The following SIPA1L1 variants were observed in gnomAD, a reference collection of about 807,000 sequenced individuals.
The protein encoded by SIPA1L1 is signal induced proliferation associated 1 like 1, also known as signal-induced proliferation-associated 1-like protein 1.
Under a neutral mutation model 162.7 loss-of-function variants are expected in SIPA1L1, and 26 were observed. The observed-to-expected ratio is 0.16, with a 90% confidence interval of 0.12 to 0.22. SIPA1L1 has a LOEUF of 0.22. Ranked by LOEUF, SIPA1L1 falls within the 10% of genes least tolerant of loss-of-function variation. The pLI, the probability that SIPA1L1 is intolerant of heterozygous loss-of-function variation, is 1.00. For missense variants in SIPA1L1, 1,874 were observed against 2,241.0 expected (o/e 0.84, Z 3.31); for synonymous variants, 829 against 837.4 (o/e 0.99, Z 0.17).
intron 2 of SIPA1L1, among the ~76,000 whole-genome samples, chr14:71,399,111 C>A (rs1033693601): frequency 6.6e-6 from 1 of 152,152 alleles, no homozygotes; most frequent in African/African-American, 2.4e-5. Context: ...GAAATGATGT[C>A]ATTTAGGACT....
At chr14:71,427,457 G>T (rs2043653821) in intron 2 of SIPA1L1, among the ~76,000 whole-genome samples, 1 of 152,162 alleles carries the variant, frequency 6.6e-6, no homozygotes, top group African/African-American at 2.4e-5. Context: ...CTGCTTTCAA[G>T]ATTCTATCTT....
intron 2 of SIPA1L1, among the ~76,000 whole-genome samples, chr14:71,466,992 A>T (rs922357676): frequency 3.3e-5 from 5 of 152,208 alleles, no homozygotes; most frequent in Admixed American, 3.3e-4. Context: ...GATTTTAGGG[A>T]TATAACGCAA....
chr14:71,551,901 AC>A (rs2055873648), intron 4 of SIPA1L1, among the ~76,000 whole-genome samples: 1 of 152,180 alleles, frequency 6.6e-6, no homozygotes, highest in Non-Finnish European at 1.5e-5. Flanking sequence ...ATCTTAAATG[AC>A]TACTTCACAA....
At chr14:71,688,537 T>C (rs914382726) in intron 13 of SIPA1L1, among the ~76,000 whole-genome samples, 3 of 152,178 alleles carry the variant, frequency 2.0e-5, no homozygotes, top group Non-Finnish European at 4.4e-5. Flanking sequence ...GAATATAATT[T>C]CCTTCATGAA....
intron 6 of SIPA1L1, among the ~76,000 whole-genome samples, chr14:71,619,533 G>T (rs1218443686): frequency 6.6e-6 from 1 of 151,532 alleles, no homozygotes; most frequent in Non-Finnish European, 1.5e-5. Context: ...AAAATAAAAA[G>T]AACCCACACA....
rs1342874014 is a variant in SIPA1L1 at position 71,735,340 on chromosome 14, A to G, written c.5072A>G (p.Asn1691Ser). 2 of 1,614,050 alleles carry G rather than the reference A, an allele frequency of 1.2e-6. No individual in the cohort carries two copies. Among genetic ancestry groups the G allele is most frequent in the African/African-American group, 2.7e-5 (2 of 74,928 alleles). Residue 1691 changes from asparagine (N) to serine (S), a missense_variant, in exon 22 of 24, where the codon AAC becomes AGC. Physicochemically the swap from Asn to Ser is conservative, Grantham distance 46 (BLOSUM62 1). Around this residue, in one of 5 missense-constraint regions of SIPA1L1, gnomAD observed 936 missense variants for 1,051.9 expected, o/e 0.89. Transcript: ENST00000381232. ...CATCGCCCCTTGAGTGCTGCATCCA[A>G]CAGTGATCAGCTGGAGGACCAGGCT... ...ENHRPLSAASNSDQLEDQALA... is the reference protein window; with the variant it reads ...ENHRPLSAASSSDQLEDQALA...
chr14:71,634,374 C>T (rs1277597556), intron 7 of SIPA1L1, among the ~76,000 whole-genome samples: 3 of 149,232 alleles, frequency 2.0e-5, no homozygotes, highest in Non-Finnish European at 3.0e-5. Context: ...TGCACTCCAG[C>T]CTGGGTGACA....
rs1010494304 is a variant in SIPA1L1 at position 71,658,368 on chromosome 14, T to C, written c.2029T>C (p.Tyr677His). 8.1e-6 allele frequency: 13 copies of C among 1,612,044 alleles called. No individual in the cohort carries two copies. The highest frequency in any genetic ancestry group is 3.3e-5 in the South Asian group (3 of 91,058). ...STGTHSLYTT[Y>H]KDYEIMFHVS... ...TGGAACCCATTCTCTGTACACAACA[T>C]ACAAAGATTATGAAATTATGTTCCA... The change falls in exon 9 of 24, where the codon TAC becomes CAC. Residue 677 changes from tyrosine (Y) to histidine (H), a missense_variant. This residue lies in a region of SIPA1L1 where 685 missense variants were observed against 828.0 expected (regional missense o/e 0.83). Coordinates refer to ENST00000381232, the MANE Select transcript of SIPA1L1 (RefSeq NM_001386936.1).
At chr14:71,464,642 A>AAAAACAAAAC (rs143695589) in intron 2 of SIPA1L1, among the ~76,000 whole-genome samples, 1 of 151,928 alleles carries the variant, frequency 6.6e-6, no homozygotes, top group Non-Finnish European at 1.5e-5. Context: ...CTCCATCTCA[A>AAAAACAAAAC]AAAACAAAAC....
At chr14:71,620,756 A>G (rs1038239297) in intron 6 of SIPA1L1, among the ~76,000 whole-genome samples, 3 of 151,896 alleles carry the variant, frequency 2.0e-5, no homozygotes, top group African/African-American at 4.8e-5. Context: ...AACCACACCA[A>G]CTCTTACCTT....
At chr14:71,359,057 T>C (rs1456764841) in intron 2 of SIPA1L1, among the ~76,000 whole-genome samples, 1 of 152,186 alleles carries the variant, frequency 6.6e-6, no homozygotes, top group Non-Finnish European at 1.5e-5. Context: ...CCTTATGGTA[T>C]GGTTTGGTTG....
At chr14:71,704,875 G>C (rs2082331561) in intron 15 of SIPA1L1, 1 of 804,870 alleles carries the variant, frequency 1.2e-6, no homozygotes, top group Middle Eastern at 2.3e-4. Context: ...AGCCACACTT[G>C]GCAATGAATG....
chr14:71,320,847 C>T (rs1320105761), intron 1 of SIPA1L1, among the ~76,000 whole-genome samples: 1 of 151,974 alleles, frequency 6.6e-6, no homozygotes, highest in Non-Finnish European at 1.5e-5. Context: ...CGAGCGGGGG[C>T]CCGGGCGCCT....
intron 2 of SIPA1L1, among the ~76,000 whole-genome samples, chr14:71,512,325 T>C (rs1024784759): frequency 2.0e-5 from 3 of 152,042 alleles, no homozygotes; most frequent in African/African-American, 7.2e-5. Context: ...ACATGACAGA[T>C]AAAGGAGGAA....
chr14:71,574,014 C>A (rs1215552474), intron 4 of SIPA1L1: 1 of 282,642 alleles, frequency 3.5e-6, no homozygotes, highest in Non-Finnish European at 6.9e-6. Flanking sequence ...TTCTTGGCAG[C>A]AGTTCTGGTG....
chr14:71,736,990 G>A (rs1566769227), intron 22 of SIPA1L1, among the ~76,000 whole-genome samples: 1 of 152,138 alleles, frequency 6.6e-6, no homozygotes, highest in African/African-American at 2.4e-5. Context: ...TACCACATCC[G>A]TGGCCTTCAG....
chr14:71,699,247 A>G, intron 14 of SIPA1L1, 120 bp downstream of exon 14: 1 of 975,028 alleles, frequency 1.0e-6, no homozygotes, highest in Non-Finnish European at 1.5e-6. Context: ...GACAAACAAA[A>G]GAGAAAACGT....
intron 2 of SIPA1L1, among the ~76,000 whole-genome samples, chr14:71,505,806 T>C (rs2050616003): frequency 6.6e-6 from 1 of 152,164 alleles, no homozygotes; most frequent in Non-Finnish European, 1.5e-5. Flanking sequence ...TGTTTCGGTG[T>C]ACACAAACTT....
intron 2 of SIPA1L1, among the ~76,000 whole-genome samples, chr14:71,344,547 A>G (rs374564851): frequency 2.3e-4 from 35 of 151,732 alleles, no homozygotes; most frequent in African/African-American, 6.3e-4. Context: ...AAATTTCTCT[A>G]TCTGTCTGTC....
Sources: allele counts gnomAD v4.1 joint callset (sites outside exome capture counted in the v4.1 genomes callset), GRCh38; gene constraint gnomAD v4.1.1; regional missense constraint gnomAD v4.1.1; transcripts MANE v1.5; gene names NCBI Gene and HGNC (gene_info 2026-07-23, HGNC 2026-07-21).